Variants in ARHGEF38 observed in about 807,000 individuals in gnomAD.
ARHGEF38 encodes the protein Rho guanine nucleotide exchange factor (GEF) 38.
A neutral mutation model predicts 79.9 loss-of-function variants in ARHGEF38; 79 were observed. The ratio of observed to expected loss-of-function variants is 0.99; its 90% CI spans 0.82 to 1.19. The LOEUF (loss-of-function observed/expected upper bound fraction) is 1.19, where lower values mean the gene tolerates loss of function less well. ARHGEF38 is among the 50% of genes most tolerant of loss of function. The pLI, the probability that ARHGEF38 is intolerant of heterozygous loss-of-function variation, is 0.00. For missense variants in ARHGEF38, 962 were observed against 907.2 expected, an observed-to-expected ratio of 1.06 and a Z score of -0.78; for synonymous variants, 366 against 328.3, an observed-to-expected ratio of 1.11 and a Z score of -1.24.
At chr4:105,651,650 C>CTT (rs1428207880) in intron 7 of ARHGEF38, among the ~76,000 whole-genome samples, 1 of 152,110 alleles carries the variant, frequency 6.6e-6, no homozygotes, top group African/African-American at 2.4e-5. Flanking sequence ...TTCTCTCTCT[C>CTT]TTTTTTTAAA....
intron 2 of ARHGEF38, among the ~76,000 whole-genome samples, chr4:105,599,237 GT>G (rs1268694203): frequency 6.6e-6 from 1 of 152,106 alleles, no homozygotes; most frequent in Non-Finnish European, 1.5e-5. Context: ...GATAGAAACT[GT>G]CCTCCTTGTT....
intron 13 of ARHGEF38, among the ~76,000 whole-genome samples, chr4:105,674,700 C>T (rs973014680): frequency 1.3e-5 from 2 of 151,916 alleles, no homozygotes; most frequent in Non-Finnish European, 2.9e-5. Context: ...AATTTTGGGT[C>T]ATGATTATCT....
chr4:105,670,998 C>T (rs938204176), intron 13 of ARHGEF38, among the ~76,000 whole-genome samples: 13 of 152,168 alleles, frequency 8.5e-5, no homozygotes, highest in African/African-American at 3.1e-4. Flanking sequence ...GCAATCCTAT[C>T]AATATATATA....
chr4:105,620,040 A>C (rs1384815843), intron 3 of ARHGEF38, among the ~76,000 whole-genome samples: 1 of 152,170 alleles, frequency 6.6e-6, no homozygotes, highest in Non-Finnish European at 1.5e-5. Context: ...ATAACACTGG[A>C]GTTTGGATAA....
In ARHGEF38 at chr4:105,613,490, C is replaced by T. The variant is rs768599156; in HGVS notation, c.491C>T (p.Pro164Leu). 5.0e-6 allele frequency: 8 copies of T among 1,612,684 alleles called. No individual in the cohort carries two copies. The Middle Eastern group carries it at 6.6e-4, about 133-fold the overall frequency. Residue 164 changes from proline (P) to leucine (L), a missense_variant, in exon 3 of 14, where the codon CCG becomes CTG. Coordinates refer to ENST00000420470, the MANE Select transcript of ARHGEF38 (RefSeq NM_001242729.2). ...GAAGAGGCCACAACAGACGTGGAACCGGCCATGCAAGTAATTGGTATGTTT... is the reference window on the plus strand; with the variant it reads ...GAAGAGGCCACAACAGACGTGGAACTGGCCATGCAAGTAATTGGTATGTTT... ...LLEEATTDVE[P>L]AMQVIGEVFL...
intron 10 of ARHGEF38, among the ~76,000 whole-genome samples, chr4:105,660,183 T>C (rs1730505113): frequency 6.6e-6 from 1 of 152,154 alleles, no homozygotes; most frequent in Non-Finnish European, 1.5e-5. Flanking sequence ...AAGCCAAAAC[T>C]GTGTAAATGT....
chr4:105,561,454 A>AATGGAATGGAATGGAATG (rs1560684495), intron 1 of ARHGEF38: 75 of 36,124 alleles, frequency 2.1e-3, no homozygotes, highest in South Asian at 3.4e-3. Flanking sequence ...AGAATGGAAT[A>AATGGAATGGAATGGAATG]GAATAGAATA....
At chr4:105,577,305 T>C (rs1726553189) in intron 1 of ARHGEF38, among the ~76,000 whole-genome samples, 1 of 134,386 alleles carries the variant, frequency 7.4e-6, no homozygotes, top group Admixed American at 8.7e-5. Context: ...CCTGTGTCCA[T>C]GTGTTCTCAT....
At chr4:105,641,470 T>C (rs1029539886) in intron 5 of ARHGEF38, among the ~76,000 whole-genome samples, 5 of 152,244 alleles carry the variant, frequency 3.3e-5, no homozygotes, top group African/African-American at 1.2e-4. Flanking sequence ...TTATGACAAA[T>C]GCTGTTTATT....
intron 13 of ARHGEF38, among the ~76,000 whole-genome samples, chr4:105,673,866 C>T (rs1731035017): frequency 6.6e-6 from 1 of 152,090 alleles, no homozygotes; most frequent in Non-Finnish European, 1.5e-5. Context: ...AAGTGAAGAA[C>T]ATGAAAGCTT....
At chr4:105,579,896 A>AC (rs1278249395) in intron 1 of ARHGEF38, among the ~76,000 whole-genome samples, 3 of 151,668 alleles carry the variant, frequency 2.0e-5, no homozygotes, top group Non-Finnish European at 4.4e-5. Flanking sequence ...TTTACTACTT[A>AC]CTCAGTTTTG....
chr4:105,558,052 G>C (rs951757874), intron 1 of ARHGEF38, among the ~76,000 whole-genome samples: 1 of 152,136 alleles, frequency 6.6e-6, no homozygotes, highest in Non-Finnish European at 1.5e-5. Flanking sequence ...TTTTGCAAAG[G>C]CTATTGTATC....
chr4:105,676,880 T>C (rs928222285), intron 13 of ARHGEF38, among the ~76,000 whole-genome samples: 4 of 152,122 alleles, frequency 2.6e-5, no homozygotes, highest in African/African-American at 9.7e-5. Flanking sequence ...TAATTTTATG[T>C]TCTTTTTAAG....
intron 1 of ARHGEF38, among the ~76,000 whole-genome samples, chr4:105,566,569 A>G (rs1725898843): frequency 6.6e-6 from 1 of 152,190 alleles, no homozygotes; most frequent in Non-Finnish European, 1.5e-5. Context: ...CAAATAACCC[A>G]GTTATACTCT....
intron 3 of ARHGEF38, among the ~76,000 whole-genome samples, chr4:105,618,192 C>G (rs1314594051): frequency 6.6e-6 from 1 of 152,150 alleles, no homozygotes; most frequent in Non-Finnish European, 1.5e-5. Flanking sequence ...AGTATTTTCT[C>G]AGTTTTAAAT....
At chr4:105,632,870 AC>A (rs1186257905) in intron 4 of ARHGEF38, 1 of 152,490 alleles carries the variant, frequency 6.6e-6, no homozygotes, top group Non-Finnish European at 1.5e-5. Context: ...ACATCAGTTT[AC>A]TATTCATTAA....
chr4:105,560,891 TTTG>T (rs1251389570), intron 1 of ARHGEF38, among the ~76,000 whole-genome samples: 1 of 152,152 alleles, frequency 6.6e-6, no homozygotes, highest in Non-Finnish European at 1.5e-5. Flanking sequence ...TCCTTCTGTG[TTTG>T]TTGTGAAATG....
chr4:105,650,543 C>G (rs954337669), intron 7 of ARHGEF38, among the ~76,000 whole-genome samples: 48 of 152,298 alleles, frequency 3.2e-4, no homozygotes, highest in African/African-American at 1.0e-3. Context: ...GCAAGGAAAT[C>G]CCAACAGAGG....
At position 105,592,307 on chromosome 4, in the gene ARHGEF38, C is replaced by T. The variant is rs781473806; in HGVS notation, c.384+2872C>T. Reference sequence around the variant, plus strand: ...CAGCCACTCACGCCAGGGTCATAACCTAGAACTTGCCATTACCAACAACTT... The same window carrying T: ...CAGCCACTCACGCCAGGGTCATAACTTAGAACTTGCCATTACCAACAACTT... On this transcript the variant is annotated intron_variant, in intron 2 of 13. Coordinates refer to ENST00000420470, the MANE Select transcript of ARHGEF38 (RefSeq NM_001242729.2). 4.6e-5 allele frequency among the ~76,000 whole-genome samples: 7 copies of T among 152,180 alleles called. No individual in the cohort carries two copies. In the Middle Eastern group the frequency reaches 0.014, roughly 296 times the overall value.
Sources: gnomAD v4.1 joint callset for allele counts (sites outside exome capture counted in the v4.1 genomes callset) on GRCh38, gnomAD v4.1.1 for gene constraint, MANE v1.5 for transcripts, NCBI Gene and HGNC (gene_info 2026-07-23, HGNC 2026-07-21) for gene names.